Variants in HPS4 observed in about 807,000 individuals in gnomAD.
HPS4 encodes the protein BLOC-3 complex member HPS4.
A neutral mutation model predicts 70.3 loss-of-function variants in HPS4; 44 were observed. The ratio of observed to expected loss-of-function variants is 0.63; its 90% confidence interval spans 0.49 to 0.80. The LOEUF (loss-of-function observed/expected upper bound fraction) is 0.80, where lower values mean the gene tolerates loss of function less well. Among genes scored for constraint, HPS4 ranks in the 30% least tolerant of loss-of-function variants. HPS4 has a pLI of 0.00. For missense variants in HPS4, 873 were observed against 884.4 expected, an observed-to-expected ratio of 0.99 and a Z score of 0.16; for synonymous variants, 377 against 355.9, an observed-to-expected ratio of 1.06 and a Z score of -0.67.
intron 2 of HPS4, 95 bp from the exon 3 acceptor site, chr22:26,479,450 A>G: frequency 1.3e-6 from 2 of 1,547,368 alleles, no homozygotes; most frequent in Non-Finnish European, 1.7e-6. Flanking sequence ...AGGAGGGCTT[A>G]TTACTGTGTT....
intron 4 of HPS4, chr22:26,476,374 A>T (rs531705217): frequency 6.6e-6 from 1 of 151,328 alleles, no homozygotes; most frequent in Non-Finnish European, 1.5e-5. Flanking sequence ...TTTTTAAGAC[A>T]GGGTGTCACT....
intron 8 of HPS4, 124 bp downstream of exon 8, chr22:26,468,427 G>A: frequency 1.2e-6 from 1 of 802,118 alleles, no homozygotes; most frequent in Non-Finnish European, 2.2e-6. Flanking sequence ...GAGGACTTGG[G>A]GTCCTGACAA....
intron 3 of HPS4, among the ~76,000 whole-genome samples, chr22:26,478,464 G>A (rs895588204): frequency 2.0e-5 from 3 of 151,744 alleles, no homozygotes; most frequent in South Asian, 2.1e-4. Context: ...CCAACTACTC[G>A]GGAGGTTGAG....
chr22:26,455,700 G>C (rs894877041), intron 13 of HPS4, among the ~76,000 whole-genome samples: 17 of 151,374 alleles, frequency 1.1e-4, no homozygotes, highest in Admixed American at 5.9e-4. Flanking sequence ...ACCTCACGTT[G>C]TGCACAGCAC....
chr22:26,477,194 T>A, intron 3 of HPS4, 58 bp from the exon 4 acceptor site: 1 of 1,592,676 alleles, frequency 6.3e-7, no homozygotes, highest in East Asian at 2.2e-5. Context: ...TCTTAAGTCA[T>A]TTCTTACAGC....
chr22:26,480,878 A>G (rs2091212872), intron 2 of HPS4, among the ~76,000 whole-genome samples: 1 of 152,146 alleles, frequency 6.6e-6, no homozygotes. Flanking sequence ...AGATCATGCC[A>G]CTGCACTCTG....
At position 26,481,957 on chromosome 22, in the gene HPS4, G is replaced by T. The variant is rs1464721915; in HGVS notation, c.-195C>A. 2 of 619,754 alleles carry T rather than the reference G, an allele frequency of 3.2e-6. No homozygotes were observed. The highest frequency in any genetic ancestry group is 5.9e-6 in the Non-Finnish European group (2 of 341,478). The allele number at this position is 619,754 out of a possible 1,614,324, so 38.4% of individuals were successfully genotyped here. A position where few individuals can be genotyped will look rare whatever the true frequency, so the allele number is the denominator to read the frequency against. ...AAAGTTCCACTTCCCTTCCTTGCAG[G>T]TTCTTCAGTTTCATGTATATTTCCA... On this transcript the variant is annotated 5_prime_UTR_variant, in exon 2 of 14. Coordinates refer to ENST00000398145, the MANE Select transcript of HPS4 (RefSeq NM_022081.6).
chr22:26,456,191 A>C (rs4822721), intron 13 of HPS4, among the ~76,000 whole-genome samples: 1 of 152,248 alleles, frequency 6.6e-6, no homozygotes, highest in East Asian at 1.9e-4. Context: ...CATGCCCCTC[A>C]CACTGGACCA....
At position 26,464,719 on chromosome 22, in the gene HPS4, A is replaced by G. The variant is rs377695917; in HGVS notation, c.911T>C (p.Met304Thr). The G allele has an allele frequency of 9.4e-6, 15 of 1,601,872 alleles. No homozygotes were observed. In the African/African-American group the frequency reaches 1.9e-4, roughly 20 times the overall value. Reference protein sequence around the residue: ...KENATGHVESMAWTTPDPTSP... With the variant: ...KENATGHVESTAWTTPDPTSP... The stretch of plus-strand genomic sequence containing the variant: ...TGTGGGATCTGGGGTGGTCCAGGCC[A>G]TGGATTCCACATGGCCAGTGGCGTT... Residue 304 changes from methionine to threonine, a missense_variant, in exon 11 of 14, where the codon ATG becomes ACG. Coordinates refer to ENST00000398145, the MANE Select transcript of HPS4 (RefSeq NM_022081.6).
chr22:26,478,310 C>T (rs968644298), intron 3 of HPS4, among the ~76,000 whole-genome samples: 3 of 151,980 alleles, frequency 2.0e-5, no homozygotes, highest in African/African-American at 4.8e-5. Context: ...TGGTGGCTCA[C>T]GCCTGTAATC....
chr22:26,476,819 A>G, intron 4 of HPS4, 174 bp downstream of exon 4: 1 of 677,244 alleles, frequency 1.5e-6, no homozygotes, highest in Non-Finnish European at 2.6e-6. Flanking sequence ...TTTGGAAAGC[A>G]CTTGATGATG....
At chr22:26,479,581 T>C in intron 2 of HPS4, 1 of 1,364,684 alleles carries the variant, frequency 7.3e-7, no homozygotes, top group Non-Finnish European at 9.4e-7. Flanking sequence ...CGTTAGACCA[T>C]CTGCCGGAGA....
chr22:26,458,345 T>G, intron 12 of HPS4, 100 bp downstream of exon 12: 1 of 1,463,128 alleles, frequency 6.8e-7, no homozygotes, highest in Non-Finnish European at 9.6e-7. Flanking sequence ...GACAACTCTG[T>G]GCACAGCCGT....
At position 26,481,804 on chromosome 22, in the gene HPS4, T is replaced by C. The variant is rs369803062; in HGVS notation, c.-42A>G. 173 of 1,594,010 alleles carry C rather than the reference T, an allele frequency of 1.1e-4. No individual in the cohort carries two copies. The highest frequency in any genetic ancestry group is 2.5e-4 in the African/African-American group (19 of 74,558). On this transcript the variant is annotated 5_prime_UTR_variant, in exon 2 of 14. Coordinates refer to ENST00000398145, the MANE Select transcript of HPS4 (RefSeq NM_022081.6). ...CTCATTCTCTTCATTTAGGTTTTCT[T>C]TTCCGGTATCACTTCTTTCTCCCTA...
chr22:26,464,043 C>G lies in HPS4; in HGVS notation c.1587G>C (p.Leu529=), dbSNP rs1334587023. The G allele has an allele frequency of 6.2e-7, 1 of 1,614,136 alleles. No homozygotes were observed. Among genetic ancestry groups the G allele is most frequent in the Non-Finnish European group, 8.5e-7 (1 of 1,180,060 alleles). Residue 529 remains leucine (L), a synonymous_variant, in exon 11 of 14, where the codon CTG becomes CTC. Transcript: ENST00000398145. ...GCCCCATGCAGGACTCTGCTGGTGT[C>G]AGCCTGGAGCTGATTCCATCTGCAG... The part of the protein sequence containing the change: ...GPSADGISSR[L]TPAESCMGLV...
At chr22:26,476,497 C>T (rs1569117237) in intron 4 of HPS4, 2 of 164,356 alleles carry the variant, frequency 1.2e-5, no homozygotes, top group Admixed American at 5.8e-5. Context: ...CAGACATGAG[C>T]CACCACACCC....
rs759348602 is a variant in HPS4 at position 26,464,488 on chromosome 22, T to G, written c.1142A>C (p.Glu381Ala). 6.2e-7 allele frequency: 1 copy of G among 1,614,234 alleles called. No homozygotes were observed. Among genetic ancestry groups the G allele is most frequent in the South Asian group, 1.1e-5 (1 of 91,086 alleles). ...GAAGGCAAAATGACCTGAGGCCATT[T>G]CCACTTCCTGAGCCTCTGGAATGTG... ...EIHIPEAQEVEMASGHFAFLH... is the reference protein window; with the variant it reads ...EIHIPEAQEVAMASGHFAFLH... Residue 381 changes from glutamate (E) to alanine (A), a missense_variant, in exon 11 of 14, where the codon GAA (glutamate) becomes GCA (alanine). Physicochemically the swap from Glu to Ala is moderately radical, Grantham distance 107. Coordinates refer to ENST00000398145, the MANE Select transcript of HPS4 (RefSeq NM_022081.6).
chr22:26,476,116 T>C (rs1018840210), intron 4 of HPS4: 1 of 152,166 alleles, frequency 6.6e-6, no homozygotes, highest in East Asian at 1.9e-4. Context: ...AAAACAACTA[T>C]AATAAAATGC....
At position 26,458,589 on chromosome 22, in the gene HPS4, G is replaced by C; in HGVS notation, c.1714-12C>G. On this transcript the variant is annotated splice_polypyrimidine_tract_variant and intron_variant, in intron 11 of 13. Coordinates refer to ENST00000398145, the MANE Select transcript of HPS4 (RefSeq NM_022081.6). ...AGGCTGCTGTGGTACTGCAAAGGGGGAGAGGGTCATGGGCTTGTAGGGCTG... is the reference window on the plus strand; with the variant it reads ...AGGCTGCTGTGGTACTGCAAAGGGGCAGAGGGTCATGGGCTTGTAGGGCTG... 1.2e-6 allele frequency: 2 copies of C among 1,613,896 alleles called. 1 individual carries two copies. The highest frequency in any genetic ancestry group is 1.7e-6 in the Non-Finnish European group (2 of 1,179,894).
Sources: gnomAD v4.1 joint callset for allele counts (sites outside exome capture counted in the v4.1 genomes callset) on GRCh38, gnomAD v4.1.1 for gene constraint, MANE v1.5 for transcripts, NCBI Gene and HGNC (gene_info 2026-07-23, HGNC 2026-07-21) for gene names.